PDC: variants seen among roughly 807,000 people sequenced by gnomAD.
The protein encoded by PDC is 33 kDa phototransducing protein.
In PDC, 19 loss-of-function variants were observed where a neutral mutation model predicts 22.2. That is an observed-to-expected ratio of 0.86 (90% confidence interval 0.60 to 1.26). PDC has a LOEUF of 1.26. Ranked by LOEUF, PDC falls within the 50% of genes most tolerant of loss-of-function variation. The probability of loss-of-function intolerance (pLI) is 0.00; values close to 1 mark genes in which losing one functional copy is unlikely to be tolerated. For synonymous variants in PDC, 97 were observed against 96.2 expected (o/e 1.01, Z -0.05); for missense variants, 274 against 286.8 (o/e 0.96, Z 0.32).
chr1:186,458,572 A>G (rs1662516205), intron 1 of PDC, among the ~76,000 whole-genome samples: 1 of 151,030 alleles, frequency 6.6e-6, no homozygotes, highest in Admixed American at 6.6e-5. Context: ...GTCTTGCTTG[A>G]TATTCTCAAG....
chr1:186,447,875 G>C (rs1007398552), intron 2 of PDC, among the ~76,000 whole-genome samples: 6 of 152,024 alleles, frequency 3.9e-5, no homozygotes, highest in African/African-American at 1.4e-4. Flanking sequence ...AATCCATTTT[G>C]TTCGTGTTTT....
At chr1:186,451,431 A>C (rs755269011) in intron 1 of PDC, among the ~76,000 whole-genome samples, 15 of 152,196 alleles carry the variant, frequency 9.9e-5, no homozygotes, top group Non-Finnish European at 8.8e-5. Context: ...AAGACATGAA[A>C]ATTTTTACTT....
At chr1:186,445,071 T>G (rs535195500) in intron 3 of PDC, among the ~76,000 whole-genome samples, 1 of 152,318 alleles carries the variant, frequency 6.6e-6, no homozygotes, top group Admixed American at 6.5e-5. Context: ...CTAAGATAGC[T>G]ACTTTTCATT....
chr1:186,449,396 T>C lies in PDC; in HGVS notation c.61+3A>G, dbSNP rs549035553. Reference sequence around the variant, plus strand: ...AATTATTTTTTCTTCTAGCTTTGCTTGCCTGTATGTGTGGCCTGTCCTTCA... The same window carrying C: ...AATTATTTTTTCTTCTAGCTTTGCTCGCCTGTATGTGTGGCCTGTCCTTCA... On this transcript the variant is annotated splice_donor_region_variant and intron_variant, in intron 2 of 3. Coordinates refer to ENST00000391997, the MANE Select transcript of PDC (RefSeq NM_002597.5). The C allele has an allele frequency of 6.3e-7, 1 of 1,587,944 alleles. No homozygotes were observed. The highest frequency in any genetic ancestry group is 1.1e-5 in the South Asian group (1 of 87,436).
intron 1 of PDC, among the ~76,000 whole-genome samples, chr1:186,459,628 C>T (rs939640748): frequency 2.7e-5 from 4 of 150,780 alleles, no homozygotes; most frequent in African/African-American, 9.7e-5. Context: ...ATATCAAATC[C>T]ACTTATAAAC....
intron 1 of PDC, among the ~76,000 whole-genome samples, chr1:186,454,157 T>G (rs1351397075): frequency 1.3e-5 from 2 of 149,174 alleles, no homozygotes; most frequent in Non-Finnish European, 3.0e-5. Context: ...GTTTATTTCT[T>G]TCTTTTCTTT....
chr1:186,450,089 A>G (rs1662319059), intron 1 of PDC, among the ~76,000 whole-genome samples: 3 of 152,162 alleles, frequency 2.0e-5, no homozygotes, highest in Admixed American at 2.0e-4. Flanking sequence ...CAAAGATTTG[A>G]ACCTACATTT....
chr1:186,445,570 G>A (rs1465102775), intron 3 of PDC, among the ~76,000 whole-genome samples: 1 of 152,108 alleles, frequency 6.6e-6, no homozygotes, highest in Admixed American at 6.5e-5. Context: ...TGTAATCCCA[G>A]CACTTTGGCA....
intron 2 of PDC, among the ~76,000 whole-genome samples, chr1:186,447,837 CAT>C (rs1437274149): frequency 6.6e-6 from 1 of 151,268 alleles, no homozygotes; most frequent in Non-Finnish European, 1.5e-5. Context: ...GCAAAATATA[CAT>C]GTGTGTATGT....
intron 2 of PDC, chr1:186,448,650 T>C (rs959569386): frequency 8.7e-6 from 8 of 924,572 alleles, no homozygotes; most frequent in Non-Finnish European, 1.0e-5. Context: ...GGTCTTTTTG[T>C]TGTTGTTTTT....
chr1:186,454,686 C>A (rs1662421276), intron 1 of PDC, among the ~76,000 whole-genome samples: 1 of 152,146 alleles, frequency 6.6e-6, no homozygotes, highest in South Asian at 2.1e-4. Flanking sequence ...CTTTATAGAA[C>A]TACTCTTACA....
At chr1:186,447,734 T>C (rs1662262752) in intron 2 of PDC, among the ~76,000 whole-genome samples, 1 of 152,030 alleles carries the variant, frequency 6.6e-6, no homozygotes, top group Non-Finnish European at 1.5e-5. Context: ...ATAAATTTGT[T>C]ATGAATGTGT....
chr1:186,456,751 G>A (rs1662480631), intron 1 of PDC, among the ~76,000 whole-genome samples: 2 of 152,190 alleles, frequency 1.3e-5, no homozygotes, highest in South Asian at 4.1e-4. Context: ...CACTAAAAAG[G>A]CATTGTAATG....
intron 3 of PDC, 106 bp from the exon 4 acceptor site, chr1:186,444,612 G>C (rs1027759868): frequency 7.3e-6 from 5 of 685,220 alleles, no homozygotes; most frequent in Non-Finnish European, 1.2e-5. Context: ...TTTTTTTTCT[G>C]CCTGGACCAC....
intron 1 of PDC, 54 bp from the exon 2 acceptor site, chr1:186,449,537 C>G (rs1662307003): frequency 6.7e-6 from 6 of 897,318 alleles, no homozygotes; most frequent in Non-Finnish European, 1.1e-5. Context: ...GATGTACATA[C>G]ATATATATAG....
rs71104862 is a variant in PDC, at chr1:186,455,797, T to TAAAA, written c.-25+5258_-25+5261dup. Among the ~76,000 whole-genome samples the TAAAA allele has an allele frequency of 2.9e-3, 113 of 39,358 alleles. 1 individual carries two copies. The highest frequency in any genetic ancestry group is 0.011 in the African/African-American group (100 of 8,990). 25.8% of individuals were successfully genotyped at this position (39,358 alleles called of 152,430 possible). ...TAACACGGTGAAACCCCGTCTCTAC[T>TAAAA]AAAAAAAAAAAAAAAAAAAAAAAAA... On this transcript the variant is annotated intron_variant, in intron 1 of 3. Coordinates refer to ENST00000391997, the MANE Select transcript of PDC (RefSeq NM_002597.5).
At chr1:186,459,136 TG>T (rs1003959123) in intron 1 of PDC, among the ~76,000 whole-genome samples, 1 of 152,016 alleles carries the variant, frequency 6.6e-6, no homozygotes, top group Non-Finnish European at 1.5e-5. Flanking sequence ...CACTCCAGCC[TG>T]GGGGACAGAA....
At chr1:186,445,102 C>A (rs111489444) in intron 3 of PDC, among the ~76,000 whole-genome samples, 4 of 152,196 alleles carry the variant, frequency 2.6e-5, no homozygotes, top group African/African-American at 9.6e-5. Context: ...TAAAAAGTCA[C>A]CTGCAGGGCC....
At chr1:186,453,398 A>G (rs144104833) in intron 1 of PDC, among the ~76,000 whole-genome samples, 12 of 152,342 alleles carry the variant, frequency 7.9e-5, no homozygotes, top group Non-Finnish European at 1.6e-4. Flanking sequence ...CGTCATTATC[A>G]TTGGTCACAT....
Sources: gnomAD v4.1 joint callset for allele counts (sites outside exome capture counted in the v4.1 genomes callset) on GRCh38, gnomAD v4.1.1 for gene constraint, MANE v1.5 for transcripts, NCBI Gene and HGNC (gene_info 2026-07-23, HGNC 2026-07-21) for gene names.